The following BCL2L11 variants were observed in gnomAD, a reference collection of about 807,000 sequenced individuals.
The protein encoded by BCL2L11 is BCL2 like 11.
A neutral mutation model predicts 20.6 loss-of-function variants in BCL2L11; 15 were observed. That is an observed-to-expected ratio of 0.73 (90% CI 0.49 to 1.12). BCL2L11 has a LOEUF of 1.12. Ranked by LOEUF, BCL2L11 falls within the 50% of genes most tolerant of loss-of-function variation. The pLI is 0.00. For missense variants in BCL2L11, 292 were observed against 260.9 expected (o/e 1.12, Z -0.82); for synonymous variants, 108 against 92.8 (o/e 1.16, Z -0.94).
At chr2:111,123,219 A>T in intron 1 of BCL2L11, 2 of 985,482 alleles carry the variant, frequency 2.0e-6, no homozygotes, top group Non-Finnish European at 2.4e-6. Context: ...ATTGTGACGC[A>T]CTTACTACGA....
chr2:111,161,017 C>T (rs1321690637), intron 3 of BCL2L11, among the ~76,000 whole-genome samples: 1 of 152,180 alleles, frequency 6.6e-6, no homozygotes, highest in Non-Finnish European at 1.5e-5. Flanking sequence ...ACTTAGCCTC[C>T]AGACCTGTAG....
intron 3 of BCL2L11, chr2:111,151,749 A>C (rs948561243): frequency 2.5e-6 from 3 of 1,215,896 alleles, no homozygotes; most frequent in Non-Finnish European, 3.6e-6. Flanking sequence ...AGAGTGCTGT[A>C]GTAATGATTC....
At chr2:111,123,235 G>A (rs1309566838) in intron 1 of BCL2L11, 1 of 985,470 alleles carries the variant, frequency 1.0e-6, no homozygotes, top group African/African-American at 1.7e-5. Flanking sequence ...TACGACTGAC[G>A]GCCGCTGCCA....
In BCL2L11 at chr2:111,121,336, G is replaced by A. The variant is rs181286590; in HGVS notation, c.-14+148G>A. On this transcript the variant is annotated intron_variant, in intron 1 of 3. Coordinates refer to ENST00000393256, the MANE Select transcript of BCL2L11 (RefSeq NM_138621.5). ...GCCGCTTGTCGCCGGCGGGAGGTGG[G>A]GATCCGTGTGGATCGGGTTCCCTCT... 5.9e-3 allele frequency: 997 copies of A among 168,378 alleles called. 10 individuals carry two copies. The highest frequency in any genetic ancestry group is 0.022 in the Middle Eastern group (9 of 406). The allele number at this position is 168,378 out of a possible 1,614,324, so 10.4% of individuals were successfully genotyped here. A position where few individuals can be genotyped will look rare whatever the true frequency, so the allele number is the denominator to read the frequency against.
Position 111,144,579 on chromosome 2 carries a change from T to G in BCL2L11, c.395-5465T>G, listed in dbSNP as rs1225803310. 6 of 1,494,232 alleles carry G rather than the reference T, an allele frequency of 4.0e-6. No individual in the cohort carries two copies. In the East Asian group the frequency reaches 9.8e-5, roughly 25 times the overall value. The allele number at this position is 1,494,232 out of a possible 1,614,324, so 92.6% of individuals were successfully genotyped here. Reference sequence around the variant, plus strand: ...CTGTTGCTTCCCTCCTCTTGTAAGCTTTGGATAACTCTGAATTTAGAAAGA... The same window carrying G: ...CTGTTGCTTCCCTCCTCTTGTAAGCGTTGGATAACTCTGAATTTAGAAAGA... On this transcript the variant is annotated intron_variant, in intron 2 of 3. Coordinates refer to ENST00000393256, the MANE Select transcript of BCL2L11 (RefSeq NM_138621.5).
At chr2:111,138,996 T>C (rs1240309912) in intron 2 of BCL2L11, among the ~76,000 whole-genome samples, 3 of 152,152 alleles carry the variant, frequency 2.0e-5, no homozygotes, top group African/African-American at 7.2e-5. Context: ...TGTAATGAAG[T>C]GCTCTCTACT....
chr2:111,142,390 A>C, intron 2 of BCL2L11: 2 of 1,550,128 alleles, frequency 1.3e-6, no homozygotes, highest in Non-Finnish European at 1.7e-6. Flanking sequence ...AGCAAAATCA[A>C]GGTGAAAAGT....
At position 111,120,923 on chromosome 2, in the gene BCL2L11, C is replaced by T. The variant is rs1173202653; in HGVS notation, c.-279C>T. ...GGGCCGCGCAGGTTTCACTTCGCTC[C>T]GCGCAGCCGCCTGGTCTGCAGTTTG... On this transcript the variant is annotated 5_prime_UTR_variant, in exon 1 of 4. Transcript: ENST00000393256. The T allele has an allele frequency of 8.8e-6, 3 of 341,754 alleles. No homozygotes were observed. The highest frequency in any genetic ancestry group is 8.5e-4 in the Middle Eastern group (1 of 1,170). The allele number at this position is 341,754 out of a possible 1,614,324, so 21.2% of individuals were successfully genotyped here.
At chr2:111,138,355 A>G (rs1012364095) in intron 2 of BCL2L11, among the ~76,000 whole-genome samples, 1 of 152,224 alleles carries the variant, frequency 6.6e-6, no homozygotes. Flanking sequence ...CACAATTGTC[A>G]TAACTAGTAT....
At chr2:111,136,944 C>A (rs1416638795) in intron 2 of BCL2L11, among the ~76,000 whole-genome samples, 1 of 152,148 alleles carries the variant, frequency 6.6e-6, no homozygotes, top group African/African-American at 2.4e-5. Context: ...GTGATCCAGG[C>A]CACCTTTTTC....
At chr2:111,155,050 T>G (rs1559079200) in intron 3 of BCL2L11, among the ~76,000 whole-genome samples, 1 of 152,234 alleles carries the variant, frequency 6.6e-6, no homozygotes, top group Non-Finnish European at 1.5e-5. Context: ...CCTATGCAGG[T>G]CTGCTGTGCA....
chr2:111,122,678 G>T (rs1196707138), intron 1 of BCL2L11: 1 of 982,906 alleles, frequency 1.0e-6, no homozygotes, highest in East Asian at 1.1e-4. Context: ...CTGCGGCCGG[G>T]GCAGCGCGGG....
chr2:111,126,458 T>G (rs767361544), intron 2 of BCL2L11, among the ~76,000 whole-genome samples: 1 of 152,184 alleles, frequency 6.6e-6, no homozygotes, highest in South Asian at 2.1e-4. Flanking sequence ...ACGAGGAGTT[T>G]GTTTAAAGTT....
chr2:111,138,476 T>C lies in BCL2L11; in HGVS notation c.395-11568T>C, dbSNP rs2075298521. ...CCAGCAGCCTGTCACTGGGCATGCA[T>C]ACCTTGTTTGTGTGATTCAGTGTTA... is the stretch of plus-strand genomic sequence containing the variant. On this transcript the variant is annotated intron_variant, in intron 2 of 3. Transcript: ENST00000393256. Among the ~76,000 whole-genome samples the C allele has an allele frequency of 2.6e-5, 4 of 152,356 alleles. No individual in the cohort carries two copies. The South Asian group carries it at 8.3e-4, about 32-fold the overall frequency.
intron 2 of BCL2L11, chr2:111,146,034 T>G (rs1325197044): frequency 1.0e-6 from 1 of 985,100 alleles, no homozygotes; most frequent in Non-Finnish European, 1.2e-6. Context: ...TGCTGCAGAT[T>G]ACAGCTTTGA....
Position 111,166,563 on chromosome 2 carries a change from T to A in BCL2L11, c.*2332T>A, listed in dbSNP as rs886733672. The A allele has an allele frequency of 1.3e-5, 2 of 152,682 alleles. No individual in the cohort carries two copies. Among genetic ancestry groups the A allele is most frequent in the African/African-American group, 2.4e-5 (1 of 41,468 alleles). 9.5% of individuals were successfully genotyped at this position (152,682 alleles called of 1,614,324 possible). A position where few individuals can be genotyped will look rare whatever the true frequency, so the allele number is the denominator to read the frequency against. ...CGTGGGTATACGTTTTTACCTTTTT[T>A]AAAAAACATTTTTGTAGAAAAAATA... On this transcript the variant is annotated 3_prime_UTR_variant, in exon 4 of 4. Coordinates refer to ENST00000393256, the MANE Select transcript of BCL2L11 (RefSeq NM_138621.5).
At chr2:111,139,517 C>T (rs967936011) in intron 2 of BCL2L11, among the ~76,000 whole-genome samples, 1 of 152,168 alleles carries the variant, frequency 6.6e-6, no homozygotes, top group East Asian at 1.9e-4. Context: ...TCTACAACTG[C>T]GTTTTCCTTC....
chr2:111,149,736 C>G (rs1414972632), intron 2 of BCL2L11, among the ~76,000 whole-genome samples: 1 of 152,100 alleles, frequency 6.6e-6, no homozygotes, highest in African/African-American at 2.4e-5. Context: ...TTTCCATTTT[C>G]TTGTGAGTAA....
At chr2:111,122,432 C>T (rs1352873970) in intron 1 of BCL2L11, among the ~76,000 whole-genome samples, 1 of 152,218 alleles carries the variant, frequency 6.6e-6, no homozygotes, top group Non-Finnish European at 1.5e-5. Context: ...ACGACCACGG[C>T]CAGAGCAGCG....
Sources: allele counts gnomAD v4.1 joint callset (sites outside exome capture counted in the v4.1 genomes callset), GRCh38; gene constraint gnomAD v4.1.1; transcripts MANE v1.5; gene names NCBI Gene and HGNC (gene_info 2026-07-23, HGNC 2026-07-21).